FBXO36: variants seen among roughly 807,000 people sequenced by gnomAD.
FBXO36 encodes F-box only protein 36.
FBXO36 carries 18 observed loss-of-function variants against 17.0 expected under a neutral mutation model. The observed-to-expected ratio is 1.06, with a 90% CI of 0.73 to 1.57. The LOEUF (loss-of-function observed/expected upper bound fraction) is 1.57. FBXO36 is among the 40% of genes most tolerant of loss of function. The pLI is 0.00. For synonymous variants in FBXO36, 83 were observed against 85.3 expected, an observed-to-expected ratio of 0.97 and a Z score of 0.15; for missense variants, 229 against 221.9, an observed-to-expected ratio of 1.03 and a Z score of -0.20.
At chr2:229,942,596 G>C (rs986209164) in intron 1 of FBXO36, 12 of 152,456 alleles carry the variant, frequency 7.9e-5, no homozygotes, top group Admixed American at 1.3e-4. Context: ...AGGCCCTGGG[G>C]GGGTCCAGGA....
At chr2:230,001,806 G>A (rs1462130577) in intron 3 of FBXO36, among the ~76,000 whole-genome samples, 2 of 151,616 alleles carry the variant, frequency 1.3e-5, no homozygotes, top group African/African-American at 4.8e-5. Context: ...TTTCTCTTCT[G>A]TTTGTTATTG....
chr2:229,949,593 T>C (rs1236019397), intron 1 of FBXO36, among the ~76,000 whole-genome samples: 1 of 151,254 alleles, frequency 6.6e-6, no homozygotes, highest in African/African-American at 2.4e-5. Flanking sequence ...ATATAGATGC[T>C]GAGAAATACT....
chr2:229,962,997 A>G (rs548436903), intron 1 of FBXO36, among the ~76,000 whole-genome samples: 25 of 151,804 alleles, frequency 1.6e-4, no homozygotes, highest in African/African-American at 5.8e-4. Flanking sequence ...TTTTTAGGGT[A>G]GCACATAACT....
At chr2:229,967,274 T>G (rs1439054210) in intron 1 of FBXO36, among the ~76,000 whole-genome samples, 2 of 152,210 alleles carry the variant, frequency 1.3e-5, no homozygotes, top group South Asian at 2.1e-4. Flanking sequence ...AAGGAGATTT[T>G]GGGCTGAGAC....
intron 3 of FBXO36, among the ~76,000 whole-genome samples, chr2:230,005,347 T>C (rs2077381575): frequency 6.6e-6 from 1 of 152,172 alleles, no homozygotes; most frequent in Non-Finnish European, 1.5e-5. Flanking sequence ...GCAGTCCTCC[T>C]GCCTCGGCCT....
chr2:229,994,696 G>T (rs2077316061), intron 2 of FBXO36, among the ~76,000 whole-genome samples: 1 of 152,158 alleles, frequency 6.6e-6, no homozygotes, highest in South Asian at 2.1e-4. Flanking sequence ...CCATTTTTGG[G>T]AAGACTCCAT....
intron 1 of FBXO36, chr2:229,942,929 G>C (rs1577332197): frequency 6.6e-6 from 1 of 152,158 alleles, no homozygotes; most frequent in Non-Finnish European, 1.5e-5. Flanking sequence ...ACAGTGCCCT[G>C]GTTTTCCACA....
chr2:229,937,143 A>G (rs1386614459), intron 1 of FBXO36, among the ~76,000 whole-genome samples: 2 of 152,128 alleles, frequency 1.3e-5, no homozygotes, highest in African/African-American at 2.4e-5. Flanking sequence ...ATTTTGTAAG[A>G]AAAAAAGTGT....
intron 1 of FBXO36, among the ~76,000 whole-genome samples, chr2:229,928,306 T>C (rs2076922978): frequency 2.0e-5 from 3 of 152,230 alleles, no homozygotes; most frequent in African/African-American, 7.2e-5. Flanking sequence ...TAGCATATCC[T>C]ACTTTTTTAA....
chr2:229,999,124 ATTTTTTTTTTT>A (rs1178050342), intron 3 of FBXO36, among the ~76,000 whole-genome samples: 1 of 107,998 alleles, frequency 9.3e-6, no homozygotes, highest in African/African-American at 3.5e-5. Flanking sequence ...AAGTAATGTA[ATTTTTTTTTTT>A]TTTTTTTTTG....
At chr2:229,947,942 G>C (rs1560436454) in intron 1 of FBXO36, among the ~76,000 whole-genome samples, 2 of 152,190 alleles carry the variant, frequency 1.3e-5, no homozygotes, top group Admixed American at 1.3e-4. Context: ...CTGCAGCACT[G>C]AAAACCATTT....
intron 3 of FBXO36, among the ~76,000 whole-genome samples, chr2:230,002,604 G>A (rs560243826): frequency 6.6e-6 from 1 of 152,090 alleles, no homozygotes; most frequent in South Asian, 2.1e-4. Flanking sequence ...GGTTGGTCTT[G>A]AATTTTGGGG....
intron 1 of FBXO36, among the ~76,000 whole-genome samples, chr2:229,939,433 A>G (rs2076985461): frequency 6.6e-6 from 1 of 150,636 alleles, no homozygotes; most frequent in Non-Finnish European, 1.5e-5. Flanking sequence ...GTGAAACCCC[A>G]TTTCTACTAA....
At chr2:230,002,441 T>C (rs1229387150) in intron 3 of FBXO36, among the ~76,000 whole-genome samples, 4 of 151,768 alleles carry the variant, frequency 2.6e-5, no homozygotes, top group African/African-American at 4.8e-5. Flanking sequence ...TGGAGTGCAA[T>C]GGCATGATTA....
At chr2:230,004,338 C>T (rs1253431012) in intron 3 of FBXO36, among the ~76,000 whole-genome samples, 5 of 152,162 alleles carry the variant, frequency 3.3e-5, no homozygotes, top group Non-Finnish European at 5.9e-5. Flanking sequence ...CCCAGAGTTA[C>T]CTCCCAGAAA....
intron 1 of FBXO36, among the ~76,000 whole-genome samples, chr2:229,936,531 TTTAC>T (rs1187003046): frequency 6.6e-6 from 1 of 152,146 alleles, no homozygotes; most frequent in East Asian, 1.9e-4. Flanking sequence ...ATTAATAATA[TTTAC>T]TTATGAAGTT....
intron 1 of FBXO36, among the ~76,000 whole-genome samples, chr2:229,972,954 C>T (rs555920723): frequency 7.3e-5 from 11 of 151,432 alleles, no homozygotes; most frequent in Non-Finnish European, 1.5e-4. Flanking sequence ...CCCAGCTACT[C>T]GAGAGGTTGA....
Position 230,010,917 on chromosome 2 carries a change from C to A in FBXO36, c.*33C>A, listed in dbSNP as rs1411948222. On this transcript the variant is annotated 3_prime_UTR_variant, in exon 4 of 4. Coordinates refer to ENST00000283946, the MANE Select transcript of FBXO36 (RefSeq NM_174899.5). ...TTTTCCTACCAGCAGGGAGCTCAGG[C>A]ATGGCTGTGTTTCTCTTCAGTGTCC... The A allele has an allele frequency of 1.3e-6, 2 of 1,562,174 alleles. No individual in the cohort carries two copies. Among genetic ancestry groups the A allele is most frequent in the East Asian group, 2.3e-5 (1 of 42,846 alleles).
chr2:229,998,881 C>T (rs2077342039), intron 3 of FBXO36, among the ~76,000 whole-genome samples: 1 of 149,518 alleles, frequency 6.7e-6, no homozygotes, highest in African/African-American at 2.5e-5. Context: ...CGGCTTACTA[C>T]AAGCTCTGCC....
Sources: gnomAD v4.1 joint callset for allele counts (sites outside exome capture counted in the v4.1 genomes callset) on GRCh38, gnomAD v4.1.1 for gene constraint, MANE v1.5 for transcripts, NCBI Gene and HGNC (gene_info 2026-07-23, HGNC 2026-07-21) for gene names.